Variants in RPGRIP1 observed in about 807,000 individuals in gnomAD.
RPGRIP1 encodes the protein RPGR interacting protein 1.
In RPGRIP1, 128 loss-of-function variants were observed where a neutral mutation model predicts 157.9. The observed-to-expected ratio is 0.81, with a 90% confidence interval of 0.70 to 0.94. RPGRIP1 has a LOEUF of 0.94. Among genes scored for constraint, RPGRIP1 ranks in the 40% least tolerant of loss-of-function variants. The pLI is 0.00. For synonymous variants in RPGRIP1, 554 were observed against 571.6 expected (o/e 0.97, Z 0.44); for missense variants, 1,486 against 1,545.8 (o/e 0.96, Z 0.65).
intron 13 of RPGRIP1, chr14:21,321,630 G>T: frequency 1.9e-6 from 2 of 1,068,346 alleles, no homozygotes; most frequent in South Asian, 3.7e-5. Context: ...AATGGCAAGC[G>T]TAAGGCTTCT....
At chr14:21,321,459 A>G (rs762004283) in intron 13 of RPGRIP1, 57 bp downstream of exon 13, 5 of 1,571,840 alleles carry the variant, frequency 3.2e-6, no homozygotes, top group Non-Finnish European at 4.3e-6. Flanking sequence ...GGAACCACTC[A>G]CAGGACTGGG....
chr14:21,338,268 C>G (rs950873797), intron 21 of RPGRIP1, among the ~76,000 whole-genome samples: 1 of 152,186 alleles, frequency 6.6e-6, no homozygotes, highest in African/African-American at 2.4e-5. Context: ...TTCATTTGCT[C>G]TATGGTCCCA....
chr14:21,306,976 A>G (rs1474277638), intron 6 of RPGRIP1, among the ~76,000 whole-genome samples: 25 of 151,634 alleles, frequency 1.6e-4, no homozygotes, highest in Admixed American at 1.3e-3. Flanking sequence ...GGGTCTCACT[A>G]TGTTGGCCAG....
At chr14:21,282,269 G>T (rs1462683464) in intron 1 of RPGRIP1, among the ~76,000 whole-genome samples, 2 of 151,472 alleles carry the variant, frequency 1.3e-5, no homozygotes, top group East Asian at 3.9e-4. Context: ...ACGGAGTCTT[G>T]CTCTGTCACC....
intron 1 of RPGRIP1, among the ~76,000 whole-genome samples, chr14:21,286,957 A>T (rs940226121): frequency 1.4e-4 from 21 of 151,470 alleles, no homozygotes; most frequent in African/African-American, 4.4e-4. Context: ...GCCTAGGTGG[A>T]GGCTGCAGTG....
In RPGRIP1 at chr14:21,320,089, A is replaced by G. The variant is rs920085442; in HGVS notation, c.1379A>G (p.Gln460Arg). ...CATAAACAGGAAGTAGAGCTCCTCC[A>G]AAATGCAGCCACAATTTCCCAACCT... Reference protein sequence around the residue: ...QKHKQEVELLQNAATISQPPD... With the variant: ...QKHKQEVELLRNAATISQPPD... The change falls in exon 12 of 25, where the codon CAA becomes CGA. Residue 460 changes from glutamine to arginine, a missense_variant. Physicochemically the swap from Gln to Arg is conservative, Grantham distance 43 (BLOSUM62 1). Coordinates refer to ENST00000400017, the MANE Select transcript of RPGRIP1 (RefSeq NM_020366.4). 1.2e-6 allele frequency: 2 copies of G among 1,613,696 alleles called. No individual in the cohort carries two copies. Among genetic ancestry groups the G allele is most frequent in the Non-Finnish European group, 1.7e-6 (2 of 1,179,800 alleles).
intron 10 of RPGRIP1, among the ~76,000 whole-genome samples, chr14:21,316,351 A>G (rs992072241): frequency 1.4e-4 from 21 of 151,268 alleles, no homozygotes; most frequent in Non-Finnish European, 2.7e-4. Context: ...ACCTCAGATA[A>G]TCTGCCCACC....
rs751975588 is a variant in RPGRIP1 at position 21,294,718 on chromosome 14, C to A, written c.127C>A (p.Arg43=). The stretch of plus-strand genomic sequence containing the variant: ...TCAACCACCCTTGAGCAGGATGAAC[C>A]GGGAGGAATTGGAGGACAGTTTCTT... ...KTQPPLSRMN[R]EELEDSFFRL... is the part of the protein sequence containing the mutation. The change falls in exon 3 of 25, where the codon CGG becomes AGG. Residue 43 remains arginine (R), a synonymous_variant. Coordinates refer to ENST00000400017, the MANE Select transcript of RPGRIP1 (RefSeq NM_020366.4). The A allele has an allele frequency of 9.3e-6, 15 of 1,613,030 alleles. No homozygotes were observed. The highest frequency in any genetic ancestry group is 3.3e-5 in the South Asian group (3 of 91,038).
chr14:21,285,489 G>C (rs8021010), intron 1 of RPGRIP1, among the ~76,000 whole-genome samples: 74,768 of 151,262 alleles, frequency 0.49, 18,837 homozygotes, highest in South Asian at 0.57. Flanking sequence ...CCTGTAGTCC[G>C]AGCTACTCAG....
intron 20 of RPGRIP1, among the ~76,000 whole-genome samples, chr14:21,331,848 G>A (rs1368114176): frequency 1.3e-5 from 2 of 151,400 alleles, no homozygotes; most frequent in African/African-American, 4.9e-5. Flanking sequence ...AAATATAAAG[G>A]TAGATATGGA....
intron 1 of RPGRIP1, among the ~76,000 whole-genome samples, chr14:21,282,516 G>A (rs568621524): frequency 6.6e-6 from 1 of 151,934 alleles, no homozygotes; most frequent in South Asian, 2.1e-4. Flanking sequence ...GATTACAGGC[G>A]TGAGCCACCA....
In RPGRIP1 at chr14:21,325,241, G is replaced by T; in HGVS notation, c.2225G>T (p.Gly742Val). 1 of 1,607,328 alleles carries T rather than the reference G, an allele frequency of 6.2e-7. No individual in the cohort carries two copies. The highest frequency in any genetic ancestry group is 2.2e-5 in the East Asian group (1 of 44,822). Residue 742 changes from glycine (G) to valine (V), a missense_variant, in exon 16 of 25, where the codon GGA becomes GTA. By Grantham distance (109) the Gly-to-Val change is moderately radical (BLOSUM62 -3). Transcript: ENST00000400017. ...HGLATLIGAG[G>V]EEFGVLEYWM... ...ACTTTCTGCTACCCAGGAGCTGGTG[G>T]AGAAGAGTTCGGGGTTCTAGAGTAC...
At chr14:21,312,065 A>G in intron 9 of RPGRIP1, 95 bp downstream of exon 9, 1 of 1,186,038 alleles carries the variant, frequency 8.4e-7, no homozygotes, top group Non-Finnish European at 1.2e-6. Context: ...GCATTTTTTC[A>G]AATGACAAAA....
intron 12 of RPGRIP1, among the ~76,000 whole-genome samples, chr14:21,321,051 G>A (rs1882405268): frequency 6.6e-6 from 1 of 152,198 alleles, no homozygotes; most frequent in African/African-American, 2.4e-5. Context: ...ACAGCCATTA[G>A]TGGCTGTATC....
At chr14:21,313,373 T>C (rs1329103522) in intron 10 of RPGRIP1, among the ~76,000 whole-genome samples, 6 of 149,976 alleles carry the variant, frequency 4.0e-5, no homozygotes, top group Non-Finnish European at 8.9e-5. Context: ...TGTGAATTAC[T>C]GCCCTGATAG....
intron 24 of RPGRIP1, 122 bp downstream of exon 24, chr14:21,348,424 C>T: frequency 1.3e-6 from 1 of 758,224 alleles, no homozygotes; most frequent in Non-Finnish European, 2.0e-6. Context: ...GGATTGAAAT[C>T]TTATCCCTAC....
intron 19 of RPGRIP1, 106 bp downstream of exon 19, chr14:21,328,733 C>G: frequency 2.5e-6 from 2 of 815,044 alleles, no homozygotes; most frequent in South Asian, 1.8e-5. Flanking sequence ...ACAAGATAAG[C>G]ACTAATCGGC....
Position 21,305,454 on chromosome 14 carries a change from C to T in RPGRIP1, c.800+1911C>T, listed in dbSNP as rs372020136. On this transcript the variant is annotated intron_variant, in intron 6 of 24. Transcript: ENST00000400017. ...ACCAGTTTATTTATCCATTCAGCTA[C>T]CGAAAGATGTCTTAGTTGCTTCCAA... is the stretch of plus-strand genomic sequence containing the variant. 2.6e-5 allele frequency among the ~76,000 whole-genome samples: 4 copies of T among 152,230 alleles called. No homozygotes were observed. In the East Asian group the frequency reaches 5.8e-4, roughly 22 times the overall value.
At chr14:21,347,787 G>A (rs1000126550) in intron 23 of RPGRIP1, among the ~76,000 whole-genome samples, 4 of 152,088 alleles carry the variant, frequency 2.6e-5, no homozygotes, top group Admixed American at 1.3e-4. Context: ...GAAGTGCAGT[G>A]GCATGAACAC....
Sources: gnomAD v4.1 joint callset for allele counts (sites outside exome capture counted in the v4.1 genomes callset) on GRCh38, gnomAD v4.1.1 for gene constraint, MANE v1.5 for transcripts, NCBI Gene and HGNC (gene_info 2026-07-23, HGNC 2026-07-21) for gene names.